Variants in SCUBE3 observed in about 807,000 individuals in gnomAD.
The protein encoded by SCUBE3 is signal peptide, CUB domain and EGF like domain containing 3, also known as signal peptide, CUB and EGF-like domain-containing protein 3.
In SCUBE3, 33 loss-of-function variants were observed where a neutral mutation model predicts 116.8. The observed-to-expected ratio is 0.28, with a 90% CI of 0.21 to 0.38. SCUBE3 has a LOEUF of 0.38. Ranked by LOEUF, SCUBE3 falls within the 10% of genes least tolerant of loss-of-function variation. The pLI is 1.00. For missense variants in SCUBE3, 1,007 were observed against 1,324.8 expected, an observed-to-expected ratio of 0.76 and a Z score of 3.72; for synonymous variants, 418 against 496.9, an observed-to-expected ratio of 0.84 and a Z score of 2.11.
intron 1 of SCUBE3, among the ~76,000 whole-genome samples, chr6:35,217,949 G>A (rs1241738492): frequency 1.3e-5 from 2 of 152,164 alleles, no homozygotes; most frequent in African/African-American, 4.8e-5. Flanking sequence ...GCCTCGGGGT[G>A]GGAGAGTACA....
Position 35,241,001 on chromosome 6 carries a change from C to A in SCUBE3, c.1070-140C>A. 1.3e-6 allele frequency: 1 copy of A among 767,152 alleles called. No individual in the cohort carries two copies. The highest frequency in any genetic ancestry group is 2.1e-6 in the Non-Finnish European group (1 of 465,478). 47.5% of individuals were successfully genotyped at this position (767,152 alleles called of 1,614,324 possible). ...ATGTGCCTATAGGCACACTGTTGTA[C>A]AGTAGATCTCTCGAACTTATTCATC... On this transcript the variant is annotated intron_variant, in intron 9 of 21. Transcript: ENST00000274938. The surrounding 1 kb of genome is among the most constrained non-coding windows in gnomAD (Gnocchi z 4.1).
Position 35,232,743 on chromosome 6 carries a change from C to T in SCUBE3, c.470-107C>T. ...TCAGTCCCCTCGTGTTGAATTCAACCTCAGTAGAATTCTCCCAGTTCCCTA... is the reference window on the plus strand; with the variant it reads ...TCAGTCCCCTCGTGTTGAATTCAACTTCAGTAGAATTCTCCCAGTTCCCTA... On this transcript the variant is annotated intron_variant, in intron 4 of 21. Transcript: ENST00000274938. This position sits in a 1 kb window ranked among gnomAD's most constrained non-coding sequence, Gnocchi z 4.2. The T allele has an allele frequency of 8.9e-7, 1 of 1,120,550 alleles. No individual in the cohort carries two copies. The highest frequency in any genetic ancestry group is 2.4e-5 in the East Asian group (1 of 42,070). 69.4% of individuals were successfully genotyped at this position (1,120,550 alleles called of 1,614,324 possible). A position where few individuals can be genotyped will look rare whatever the true frequency, so the allele number is the denominator to read the frequency against.
intron 6 of SCUBE3, among the ~76,000 whole-genome samples, chr6:35,236,589 A>AC (rs1453969437): frequency 1.3e-5 from 2 of 152,216 alleles, no homozygotes; most frequent in African/African-American, 4.8e-5. Context: ...GCTGTTCCAC[A>AC]CATGGGCATT....
In SCUBE3 at chr6:35,233,975, C is replaced by T. The variant is rs1783656856; in HGVS notation, c.712+674C>T. Among the ~76,000 whole-genome samples, 1 of 152,186 alleles carries T rather than the reference C, an allele frequency of 6.6e-6. No individual in the cohort carries two copies. Among genetic ancestry groups the T allele is most frequent in the Non-Finnish European group, 1.5e-5 (1 of 68,028 alleles). ...CCTGTTTCTTCCTCACCAACTCCAGCCTTCCATCTCTTACCTTGATTTGAG... is the reference window on the plus strand; with the variant it reads ...CCTGTTTCTTCCTCACCAACTCCAGTCTTCCATCTCTTACCTTGATTTGAG... On this transcript the variant is annotated intron_variant, in intron 6 of 21. Transcript: ENST00000274938. The surrounding 1 kb of genome is among the most constrained non-coding windows in gnomAD (Gnocchi z 5.7).
intron 20 of SCUBE3, 53 bp from the exon 21 acceptor site, chr6:35,246,150 CAGG>C: frequency 6.2e-7 from 1 of 1,612,196 alleles, no homozygotes; most frequent in South Asian, 1.1e-5. Flanking sequence ...GAGAGGGAAC[CAGG>C]AGAGCAGGAA....
intron 1 of SCUBE3, chr6:35,222,330 T>C (rs1446587268): frequency 6.6e-6 from 1 of 152,218 alleles, no homozygotes; most frequent in African/African-American, 2.4e-5. Flanking sequence ...CTCAGAATCT[T>C]AGGACTACTT....
chr6:35,238,594 C>T (rs1436387374), intron 7 of SCUBE3, among the ~76,000 whole-genome samples: 1 of 152,226 alleles, frequency 6.6e-6, no homozygotes, highest in Non-Finnish European at 1.5e-5. Flanking sequence ...GTGCTCGCCT[C>T]ATACTGTGTT....
chr6:35,231,472 T>A lies in SCUBE3; in HGVS notation c.335-253T>A, dbSNP rs1258814409. 6.6e-6 allele frequency among the ~76,000 whole-genome samples: 1 copy of A among 152,204 alleles called. No individual in the cohort carries two copies. Among genetic ancestry groups the A allele is most frequent in the Non-Finnish European group, 1.5e-5 (1 of 68,030 alleles). On this transcript the variant is annotated intron_variant, in intron 3 of 21. Coordinates refer to ENST00000274938, the MANE Select transcript of SCUBE3 (RefSeq NM_152753.4). This position sits in a 1 kb window ranked among gnomAD's most constrained non-coding sequence, Gnocchi z 4.2. ...TACACAGGTGAGGGAAAGGGAGGCA[T>A]GGCTTCACCTAGGTGACATTTGAGG...
At chr6:35,220,346 A>G (rs1409086329) in intron 1 of SCUBE3, 1 of 152,238 alleles carries the variant, frequency 6.6e-6, no homozygotes, top group Non-Finnish European at 1.5e-5. Flanking sequence ...CCTGCATGAA[A>G]AAACTGTACA....
intron 1 of SCUBE3, among the ~76,000 whole-genome samples, chr6:35,218,431 A>G (rs1027430685): frequency 1.3e-5 from 2 of 152,180 alleles, no homozygotes; most frequent in African/African-American, 2.4e-5. Context: ...GAGCTGGAAG[A>G]GCTTGCTGCC....
Position 35,249,029 on chromosome 6 carries a change from A to C in SCUBE3, c.*324A>C. On this transcript the variant is annotated 3_prime_UTR_variant, in exon 22 of 22. Coordinates refer to ENST00000274938, the MANE Select transcript of SCUBE3 (RefSeq NM_152753.4). ...TTTACCAGCTCACATTCCCGACCCC[A>C]TCAGCTTGGAAGGGTGCTAGAGGCC... 3.3e-5 allele frequency: 8 copies of C among 239,614 alleles called. No individual in the cohort carries two copies. The highest frequency in any genetic ancestry group is 2.1e-4 in the East Asian group (2 of 9,548). The allele number at this position is 239,614 out of a possible 1,614,324, so 14.8% of individuals were successfully genotyped here.
chr6:35,223,888 A>G (rs1317126520), intron 1 of SCUBE3: 1 of 152,200 alleles, frequency 6.6e-6, no homozygotes, highest in Non-Finnish European at 1.5e-5. Flanking sequence ...TTCTGCTTCA[A>G]AAGACTCCAA....
Position 35,250,729 on chromosome 6 carries a change from CTTTT to C in SCUBE3, c.*2026_*2029del, listed in dbSNP as rs60657945. On this transcript the variant is annotated 3_prime_UTR_variant, in exon 22 of 22. Transcript: ENST00000274938. The stretch of plus-strand genomic sequence containing the variant: ...GTTCATTTCTTTTTTTTTTTTTTTT[CTTTT>C]TAACTCTCCTGGTAACTCACAGAAC... The C allele has an allele frequency of 0.69, 95,982 of 138,930 alleles. 34,938 individuals carry two copies. Among genetic ancestry groups the C allele is most frequent in the South Asian group, 0.82 (3,753 of 4,578 alleles). The allele number at this position is 138,930 out of a possible 1,614,324, so 8.6% of individuals were successfully genotyped here. A position where few individuals can be genotyped will look rare whatever the true frequency, so the allele number is the denominator to read the frequency against.
chr6:35,246,602 A>G (rs1274040738), intron 21 of SCUBE3, among the ~76,000 whole-genome samples: 1 of 152,252 alleles, frequency 6.6e-6, no homozygotes, highest in East Asian at 1.9e-4. Context: ...CTTCCAAGAG[A>G]CATAGGGAAA....
rs141974294 is a variant in SCUBE3, at chr6:35,242,300, C to A, written c.1514C>A (p.Ala505Asp). 3.1e-4 allele frequency: 505 copies of A among 1,613,002 alleles called. 1 individual carries two copies. The highest frequency in any genetic ancestry group is 4.1e-4 in the Non-Finnish European group (478 of 1,178,980). ...HLRNKGKTEE[A>D]GRITGPGGAP... ...CGAAACAAAGGCAAAACAGAGGAGG[C>A]TGGCAGAATCACAGGGCCAGGTTTG... Residue 505 changes from alanine (A) to aspartate (D), a missense_variant, in exon 13 of 22, where the codon GCT becomes GAT. Ala to Asp is a moderately radical substitution (Grantham distance 126). Transcript: ENST00000274938.
In SCUBE3 at chr6:35,231,936, A is replaced by G; in HGVS notation, c.469+77A>G. On this transcript the variant is annotated intron_variant, in intron 4 of 21. Coordinates refer to ENST00000274938, the MANE Select transcript of SCUBE3 (RefSeq NM_152753.4). The surrounding 1 kb of genome is among the most constrained non-coding windows in gnomAD (Gnocchi z 4.2). ...TCCCAGCTGTCCCTCAGCAGCCCCT[A>G]AGTCTCACCCTCCATTCTCAACTCA... 3 of 1,281,214 alleles carry G rather than the reference A, an allele frequency of 2.3e-6. No homozygotes were observed. The highest frequency in any genetic ancestry group is 1.4e-5 in the South Asian group (1 of 71,630). 79.4% of individuals were successfully genotyped at this position (1,281,214 alleles called of 1,614,324 possible). A position where few individuals can be genotyped will look rare whatever the true frequency, so the allele number is the denominator to read the frequency against.
Position 35,228,745 on chromosome 6 carries a change from C to A in SCUBE3, c.334+6C>A. The A allele has an allele frequency of 6.2e-7, 1 of 1,613,796 alleles. No individual in the cohort carries two copies. Among genetic ancestry groups the A allele is most frequent in the Non-Finnish European group, 8.5e-7 (1 of 1,179,788 alleles). ...TGACGGACACAACTGTCTGGGTAAG[C>A]AAAGGAGAGGGGATTTGGTGGAGGG... On this transcript the variant is annotated splice_donor_region_variant and intron_variant, in intron 3 of 21. Transcript: ENST00000274938. The surrounding 1 kb of genome is among the most constrained non-coding windows in gnomAD (Gnocchi z 4.9).
intron 3 of SCUBE3, among the ~76,000 whole-genome samples, chr6:35,229,037 T>C (rs1783430362): frequency 6.6e-6 from 1 of 152,078 alleles, no homozygotes; most frequent in African/African-American, 2.4e-5. Flanking sequence ...CACACAGATA[T>C]CTTGGTTCTG....
rs1783618102 is a variant in SCUBE3 at position 35,233,123 on chromosome 6, T to G, written c.596-62T>G. On this transcript the variant is annotated intron_variant, in intron 5 of 21. Coordinates refer to ENST00000274938, the MANE Select transcript of SCUBE3 (RefSeq NM_152753.4). The surrounding 1 kb of genome is among the most constrained non-coding windows in gnomAD (Gnocchi z 5.7). The stretch of plus-strand genomic sequence containing the variant: ...TAGGCAAGGGGGCCAGTACCCACAT[T>G]GTGGAAAACTGTGGATGCAGGGAGG... 7.4e-6 allele frequency: 11 copies of G among 1,478,200 alleles called. No homozygotes were observed. The highest frequency in any genetic ancestry group is 1.0e-5 in the Non-Finnish European group (11 of 1,061,238). The allele number at this position is 1,478,200 out of a possible 1,614,324, so 91.6% of individuals were successfully genotyped here.
Sources: allele counts gnomAD v4.1 joint callset (sites outside exome capture counted in the v4.1 genomes callset), GRCh38; gene constraint gnomAD v4.1.1; non-coding constraint Gnocchi (gnomAD v3.1); transcripts MANE v1.5; gene names NCBI Gene and HGNC (gene_info 2026-07-23, HGNC 2026-07-21).